The following TENM3 variants were observed in gnomAD, a reference collection of about 807,000 sequenced individuals.
TENM3 encodes the protein teneurin transmembrane protein 3, also known as teneurin-3.
Under a neutral mutation model 255.1 loss-of-function variants are expected in TENM3, and 63 were observed. The observed-to-expected ratio is 0.25, with a 90% CI of 0.20 to 0.30. The LOEUF (loss-of-function observed/expected upper bound fraction) is 0.30. Ranked by LOEUF, TENM3 falls within the 10% of genes least tolerant of loss-of-function variation. The pLI is 1.00. For missense variants in TENM3, 2,929 were observed against 3,461.1 expected, an observed-to-expected ratio of 0.85 and a Z score of 3.86; for synonymous variants, 1,306 against 1,322.3, an observed-to-expected ratio of 0.99 and a Z score of 0.27.
At chr4:182,278,665 C>CAA (rs532591080) in intron 1 of TENM3, among the ~76,000 whole-genome samples, 2,251 of 93,116 alleles carry the variant, frequency 0.024, 31 homozygotes, top group Non-Finnish European at 0.039. Flanking sequence ...CCCCAGTGTG[C>CAA]AAAAAAAAAA....
the TENM3 span, among the ~76,000 whole-genome samples, chr4:181,513,462 T>C: frequency 2.0e-5 from 3 of 152,202 alleles, no homozygotes; most frequent in African/African-American, 7.2e-5. Flanking sequence ...CTCCATTTCA[T>C]ACCAACACTA....
At chr4:182,598,187 C>T (rs1466770690) in intron 3 of TENM3, among the ~76,000 whole-genome samples, 1 of 152,154 alleles carries the variant, frequency 6.6e-6, no homozygotes, top group Non-Finnish European at 1.5e-5. Flanking sequence ...TCTCAAAAAA[C>T]AATTAAAAAA....
At chr4:182,294,921 A>G (rs773578795) in intron 1 of TENM3, among the ~76,000 whole-genome samples, 1 of 152,102 alleles carries the variant, frequency 6.6e-6, no homozygotes, top group African/African-American at 2.4e-5. Context: ...TATTTTTGCT[A>G]TAATTTTGGG....
chr4:181,913,406 A>G, the TENM3 span, among the ~76,000 whole-genome samples: 1 of 152,186 alleles, frequency 6.6e-6, no homozygotes, highest in East Asian at 1.9e-4. Flanking sequence ...AGAAGGTTGC[A>G]TCTTGCGGAT....
At chr4:181,582,682 A>G in the TENM3 span, among the ~76,000 whole-genome samples, 2 of 147,342 alleles carry the variant, frequency 1.4e-5, no homozygotes, top group East Asian at 2.0e-4. Flanking sequence ...AAAAAAAAAA[A>G]AAAAGAAAGA....
chr4:181,495,142 T>C, the TENM3 span, among the ~76,000 whole-genome samples: 1 of 152,174 alleles, frequency 6.6e-6, no homozygotes, highest in Non-Finnish European at 1.5e-5. Flanking sequence ...TAGTTAATTA[T>C]CAAGACAAAC....
chr4:182,257,374 C>T (rs975229967), intron 1 of TENM3, among the ~76,000 whole-genome samples: 5 of 152,130 alleles, frequency 3.3e-5, no homozygotes, highest in African/African-American at 1.2e-4. Context: ...CTCCAAGGCC[C>T]ACCTATGGAT....
chr4:182,388,029 C>A (rs1768116055), intron 3 of TENM3, among the ~76,000 whole-genome samples: 1 of 151,662 alleles, frequency 6.6e-6, no homozygotes, highest in African/African-American at 2.4e-5. Flanking sequence ...AACGTGTAAG[C>A]ATGTATCTGC....
the TENM3 span, among the ~76,000 whole-genome samples, chr4:181,515,243 A>G: frequency 6.6e-6 from 1 of 152,104 alleles, no homozygotes; most frequent in East Asian, 1.9e-4. Context: ...TGGAAACATC[A>G]TTTCTGCCAT....
the TENM3 span, among the ~76,000 whole-genome samples, chr4:181,788,815 C>G: frequency 5.5e-4 from 84 of 152,284 alleles, no homozygotes; most frequent in African/African-American, 1.9e-3. Flanking sequence ...CCAGGCTGGT[C>G]TCAAGCTGTT....
intron 4 of TENM3, among the ~76,000 whole-genome samples, chr4:182,623,652 C>T (rs533508603): frequency 6.6e-6 from 1 of 152,138 alleles, no homozygotes; most frequent in Non-Finnish European, 1.5e-5. Flanking sequence ...AGCCTCATTC[C>T]TAGAATCTTC....
the TENM3 span, among the ~76,000 whole-genome samples, chr4:181,808,583 G>A: frequency 3.9e-5 from 6 of 152,066 alleles, no homozygotes; most frequent in East Asian, 1.2e-3. Context: ...GCACATGCTC[G>A]AAATACAGAA....
At chr4:182,729,957 C>T (rs577950656) in intron 14 of TENM3, among the ~76,000 whole-genome samples, 10 of 152,194 alleles carry the variant, frequency 6.6e-5, no homozygotes, top group Non-Finnish European at 1.0e-4. Context: ...GTCTTGATAA[C>T]GCTCCAAAAA....
chr4:181,692,821 A>T, the TENM3 span, among the ~76,000 whole-genome samples: 2 of 152,138 alleles, frequency 1.3e-5, no homozygotes, highest in Non-Finnish European at 2.9e-5. Flanking sequence ...TTGCTTAATA[A>T]CACTCTTAAA....
At chr4:182,174,155 T>C (rs1450260462) in intron 1 of TENM3, among the ~76,000 whole-genome samples, 2 of 152,124 alleles carry the variant, frequency 1.3e-5, no homozygotes, top group Non-Finnish European at 2.9e-5. Context: ...ATGACCAAAT[T>C]ATGTCATCGC....
At chr4:182,672,384 A>G (rs905620012) in intron 6 of TENM3, among the ~76,000 whole-genome samples, 3 of 152,216 alleles carry the variant, frequency 2.0e-5, no homozygotes, top group African/African-American at 7.2e-5. Flanking sequence ...AGGAAAAGTT[A>G]TAACAGCCTA....
At chr4:182,677,324 G>A (rs981694654) in intron 7 of TENM3, among the ~76,000 whole-genome samples, 1 of 152,066 alleles carries the variant, frequency 6.6e-6, no homozygotes. Flanking sequence ...TGATGCGAAT[G>A]GTTATTTCTA....
the TENM3 span, among the ~76,000 whole-genome samples, chr4:181,586,911 A>G: frequency 6.6e-6 from 1 of 152,124 alleles, no homozygotes; most frequent in Non-Finnish European, 1.5e-5. Context: ...TTTTTTCTTA[A>G]AAGAAATTTC....
intron 11 of TENM3, among the ~76,000 whole-genome samples, chr4:182,685,942 T>G (rs1262983494): frequency 6.6e-6 from 1 of 152,092 alleles, no homozygotes; most frequent in African/African-American, 2.4e-5. Context: ...AATATACATA[T>G]AAATGTTCAT....
Sources: allele counts gnomAD v4.1 joint callset (sites outside exome capture counted in the v4.1 genomes callset), GRCh38; gene constraint gnomAD v4.1.1; transcripts MANE v1.5; gene names NCBI Gene and HGNC (gene_info 2026-07-23, HGNC 2026-07-21).